The following BCL11B variants were observed in gnomAD, a reference collection of about 807,000 sequenced individuals.
BCL11B encodes the protein BCL11 transcription factor B, also known as B-cell lymphoma/leukemia 11B.
Under a neutral mutation model 49.9 loss-of-function variants are expected in BCL11B, and 8 were observed. That is an observed-to-expected ratio of 0.16 (90% confidence interval 0.09 to 0.29). BCL11B has a LOEUF of 0.29. Ranked by LOEUF, BCL11B falls within the 10% of genes least tolerant of loss-of-function variation. BCL11B has a pLI of 1.00. For missense variants in BCL11B, 1,006 were observed against 1,351.0 expected (o/e 0.74, Z 4.00); for synonymous variants, 739 against 637.4 (o/e 1.16, Z -2.40).
At chr14:99,198,993 C>A in intron 3 of BCL11B, among the ~76,000 whole-genome samples, 1 of 152,086 alleles carries the variant, frequency 6.6e-6, no homozygotes, top group East Asian at 1.9e-4. Flanking sequence ...CGGCGAGGGA[C>A]GCTTTGCGCG....
At chr14:99,265,438 T>C (rs946793418) in intron 1 of BCL11B, among the ~76,000 whole-genome samples, 3 of 152,138 alleles carry the variant, frequency 2.0e-5, no homozygotes. Context: ...AAGGAGAGTC[T>C]CCAACGGACA....
Position 99,175,976 on chromosome 14 carries a change from T to C in BCL11B, c.860A>G (p.Asn287Ser). 2.0e-6 allele frequency: 3 copies of C among 1,499,814 alleles called. No homozygotes were observed. The highest frequency in any genetic ancestry group is 2.7e-6 in the Non-Finnish European group (3 of 1,124,354). The allele number at this position is 1,499,814 out of a possible 1,614,324, so 92.9% of individuals were successfully genotyped here. ...CGTCATGCGCAGCAGGTTGAAGGGG[T>C]TGCTGTCGCCCAGGAAATTCATGAG... ...SPLMNFLGDS[N>S]PFNLLRMTGP... Residue 287 changes from asparagine to serine, a missense_variant, in exon 4 of 4, where the codon AAC (asparagine) becomes AGC (serine). Asn to Ser is a conservative substitution (Grantham distance 46). Transcript: ENST00000357195.
chr14:99,271,466 A>G lies in BCL11B; in HGVS notation c.-248T>C, dbSNP rs1595092127. ...TGTTTTGTTTGCAAAAAGAAAAAAA[A>G]GGGAAGAAAAGCAAGAAAAACCTCT... On this transcript the variant is annotated 5_prime_UTR_variant, in exon 1 of 4. Transcript: ENST00000357195. The G allele has an allele frequency of 8.5e-6, 2 of 234,732 alleles. No individual in the cohort carries two copies. The highest frequency in any genetic ancestry group is 1.7e-5 in the Non-Finnish European group (2 of 118,380). The allele number at this position is 234,732 out of a possible 1,614,324, so 14.5% of individuals were successfully genotyped here.
At chr14:99,177,383 C>G (rs933764497) in intron 3 of BCL11B, among the ~76,000 whole-genome samples, 2 of 151,580 alleles carry the variant, frequency 1.3e-5, no homozygotes, top group Non-Finnish European at 2.9e-5. Flanking sequence ...ATCACTGAGA[C>G]AATCACAAAA....
intron 3 of BCL11B, among the ~76,000 whole-genome samples, chr14:99,197,420 T>G (rs1887208437): frequency 1.3e-5 from 2 of 152,234 alleles, no homozygotes; most frequent in Non-Finnish European, 2.9e-5. Context: ...TGTCATTTTA[T>G]TTCTTTCTTT....
At chr14:99,269,947 C>T (rs1889610891) in intron 1 of BCL11B, among the ~76,000 whole-genome samples, 2 of 141,628 alleles carry the variant, frequency 1.4e-5, no homozygotes, top group Non-Finnish European at 1.5e-5. Flanking sequence ...GAAAGAACGG[C>T]GGGGAAATGT....
chr14:99,191,362 A>C (rs1887023248), intron 3 of BCL11B, among the ~76,000 whole-genome samples: 1 of 151,868 alleles, frequency 6.6e-6, no homozygotes, highest in African/African-American at 2.4e-5. Context: ...ACACCCGTCA[A>C]CTTAAACACT....
chr14:99,237,174 T>A (rs1231138103), intron 2 of BCL11B, among the ~76,000 whole-genome samples: 3 of 151,994 alleles, frequency 2.0e-5, no homozygotes, highest in Non-Finnish European at 4.4e-5. Context: ...TCTTTGGGGT[T>A]GAGGGTGACT....
chr14:99,259,220 T>C (rs966826944), intron 1 of BCL11B, among the ~76,000 whole-genome samples: 1 of 152,018 alleles, frequency 6.6e-6, no homozygotes, highest in African/African-American at 2.4e-5. Context: ...TAGGGAAGGA[T>C]AATGAAAACC....
intron 2 of BCL11B, among the ~76,000 whole-genome samples, chr14:99,237,115 A>G (rs1182750582): frequency 6.6e-6 from 1 of 152,092 alleles, no homozygotes; most frequent in Non-Finnish European, 1.5e-5. Flanking sequence ...ATAGAGAAGA[A>G]CAATTCTAGG....
intron 3 of BCL11B, among the ~76,000 whole-genome samples, chr14:99,206,232 T>G (rs905286191): frequency 6.6e-6 from 1 of 152,184 alleles, no homozygotes; most frequent in South Asian, 2.1e-4. Context: ...GCCATGGATG[T>G]CTGCCTGTTT....
intron 3 of BCL11B, among the ~76,000 whole-genome samples, chr14:99,220,855 A>AT (rs545161897): frequency 5.9e-5 from 9 of 151,774 alleles, no homozygotes; most frequent in East Asian, 1.9e-4. Context: ...TATTTTATTT[A>AT]TTTTTTTTAT....
intron 2 of BCL11B, among the ~76,000 whole-genome samples, chr14:99,249,237 A>G (rs149390344): frequency 0.013 from 2,005 of 152,274 alleles, 52 homozygotes; most frequent in African/African-American, 0.046. Context: ...GGGACATGAC[A>G]CAGTGAAGAC....
chr14:99,191,511 C>T (rs1887029750), intron 3 of BCL11B, among the ~76,000 whole-genome samples: 1 of 152,070 alleles, frequency 6.6e-6, no homozygotes, highest in South Asian at 2.1e-4. Context: ...GAGGGGCCCA[C>T]ACCATCTACT....
Position 99,195,511 on chromosome 14 carries a change from G to A in BCL11B, c.641-19316C>T, listed in dbSNP as rs1042210739. Reference sequence around the variant, plus strand: ...CTTTGCACCCCCAAAACAATGGCTGGCCCTTGCTGAGCACTTGCTGAGTGC... The same window carrying A: ...CTTTGCACCCCCAAAACAATGGCTGACCCTTGCTGAGCACTTGCTGAGTGC... On this transcript the variant is annotated intron_variant, in intron 3 of 3. Coordinates refer to ENST00000357195, the MANE Select transcript of BCL11B (RefSeq NM_138576.4). This position sits in a 1 kb window ranked among gnomAD's most constrained non-coding sequence, Gnocchi z 4.7. Among the ~76,000 whole-genome samples, 2 of 152,056 alleles carry A rather than the reference G, an allele frequency of 1.3e-5. No homozygotes were observed. The highest frequency in any genetic ancestry group is 2.9e-5 in the Non-Finnish European group (2 of 68,020).
At chr14:99,224,666 C>G (rs748078881) in intron 3 of BCL11B, among the ~76,000 whole-genome samples, 1 of 152,172 alleles carries the variant, frequency 6.6e-6, no homozygotes, top group Admixed American at 6.5e-5. Flanking sequence ...TGTGGCCACG[C>G]CCAGATGGTA....
chr14:99,208,350 G>A (rs2693691), intron 3 of BCL11B, among the ~76,000 whole-genome samples: 17 of 152,296 alleles, frequency 1.1e-4, no homozygotes, highest in Non-Finnish European at 2.1e-4. Context: ...TCCCAGGAAT[G>A]GACAAGGACC....
intron 2 of BCL11B, among the ~76,000 whole-genome samples, chr14:99,244,854 A>T (rs551530475): frequency 6.6e-6 from 1 of 152,220 alleles, no homozygotes; most frequent in Non-Finnish European, 1.5e-5. Flanking sequence ...CAAGTGTAAC[A>T]TACTATTTCA....
chr14:99,231,342 TACCTG>T lies in BCL11B; in HGVS notation c.638_640+2del. ...CGCCCCCCACCGCGGCGTCGTCTGT[TACCTG>T]ACAACTGACACTGGCATCCAAAGGG... On this transcript the variant is annotated splice_donor_variant and coding_sequence_variant, in exon 3 of 4. Coordinates refer to ENST00000357195, the MANE Select transcript of BCL11B (RefSeq NM_138576.4). LOFTEE classifies it high-confidence loss of function. This position sits in a 1 kb window ranked among gnomAD's most constrained non-coding sequence, Gnocchi z 8.1. 6.2e-7 allele frequency: 1 copy of T among 1,609,484 alleles called. No homozygotes were observed. Among genetic ancestry groups the T allele is most frequent in the Non-Finnish European group, 8.5e-7 (1 of 1,178,754 alleles).
Sources: allele counts gnomAD v4.1 joint callset (sites outside exome capture counted in the v4.1 genomes callset), GRCh38; gene constraint gnomAD v4.1.1; non-coding constraint Gnocchi (gnomAD v3.1); transcripts MANE v1.5; gene names NCBI Gene and HGNC (gene_info 2026-07-23, HGNC 2026-07-21).